ANKMY1: variants seen among roughly 807,000 people sequenced by gnomAD.
The protein encoded by ANKMY1 is ankyrin repeat and MYND domain-containing protein 1.
In ANKMY1, 98 loss-of-function variants were observed where a neutral mutation model predicts 102.0. The ratio of observed to expected loss-of-function variants is 0.96; its 90% CI spans 0.82 to 1.14. The LOEUF (loss-of-function observed/expected upper bound fraction) is 1.14. ANKMY1 is among the 50% of genes most tolerant of loss of function. ANKMY1 has a pLI of 0.00. For synonymous variants in ANKMY1, 582 were observed against 559.9 expected (o/e 1.04, Z -0.56); for missense variants, 1,330 against 1,347.6 (o/e 0.99, Z 0.20).
chr2:240,479,952 C>T (rs952917428), intron 17 of ANKMY1, among the ~76,000 whole-genome samples: 1 of 152,200 alleles, frequency 6.6e-6, no homozygotes, highest in Admixed American at 6.5e-5. Flanking sequence ...TGGCTCATGC[C>T]TGTAATCCCA....
rs771154928 is a variant in ANKMY1, at chr2:240,520,071, G to A, written c.2004+291C>T. ...TGAATATAAGTCTCCCCTTTCCAAG[G>A]GGCCTTCAGGATGCGCTTCCCCTTA... is the stretch of plus-strand genomic sequence containing the variant. On this transcript the variant is annotated intron_variant, in intron 9 of 17. Coordinates refer to ENST00000401804, the MANE Select transcript of ANKMY1 (RefSeq NM_001282771.3). The surrounding 1 kb of genome is among the most constrained non-coding windows in gnomAD (Gnocchi z 4.8). The A allele has an allele frequency of 8.2e-6, 5 of 610,086 alleles. No individual in the cohort carries two copies. The highest frequency in any genetic ancestry group is 3.6e-5 in the East Asian group (1 of 27,512). The allele number at this position is 610,086 out of a possible 1,614,324, so 37.8% of individuals were successfully genotyped here.
At chr2:240,491,467 T>G (rs774996673) in intron 15 of ANKMY1, among the ~76,000 whole-genome samples, 3 of 152,230 alleles carry the variant, frequency 2.0e-5, no homozygotes, top group Admixed American at 6.5e-5. Context: ...TGGTAGCATT[T>G]GAGTTCTTTC....
chr2:240,543,819 C>A (rs185285991), intron 4 of ANKMY1, among the ~76,000 whole-genome samples: 165 of 152,212 alleles, frequency 1.1e-3, no homozygotes, highest in African/African-American at 3.8e-3. Context: ...ATACCTAAGT[C>A]ATTTCCAATG....
chr2:240,500,246 G>A, intron 14 of ANKMY1, 123 bp from the exon 15 acceptor site: 1 of 1,294,414 alleles, frequency 7.7e-7, no homozygotes. Context: ...AACCCAGACA[G>A]ACACACAAAG....
intron 4 of ANKMY1, among the ~76,000 whole-genome samples, chr2:240,530,164 C>T (rs779060119): frequency 3.3e-5 from 5 of 152,216 alleles, no homozygotes; most frequent in Non-Finnish European, 5.9e-5. Flanking sequence ...CCAGGAGGGC[C>T]TCACAAAACA....
At chr2:240,546,951 A>G (rs1274621264) in intron 4 of ANKMY1, among the ~76,000 whole-genome samples, 2 of 152,212 alleles carry the variant, frequency 1.3e-5, no homozygotes, top group Admixed American at 6.5e-5. Flanking sequence ...AGACAGATCA[A>G]TGAGACAGAA....
intron 15 of ANKMY1, among the ~76,000 whole-genome samples, chr2:240,483,006 TAAC>T (rs2075605324): frequency 5.9e-5 from 9 of 152,252 alleles, no homozygotes; most frequent in Non-Finnish European, 1.0e-4. Flanking sequence ...TACATCTTCC[TAAC>T]TGATGATCCT....
chr2:240,479,747 G>C, intron 17 of ANKMY1, 92 bp from the exon 18 acceptor site: 1 of 1,137,580 alleles, frequency 8.8e-7, no homozygotes, highest in Non-Finnish European at 1.3e-6. Flanking sequence ...TGTGTGGGGC[G>C]GCTGAGGACT....
At chr2:240,527,109 T>TGG in intron 5 of ANKMY1, 1 of 426,278 alleles carries the variant, frequency 2.3e-6, no homozygotes, top group East Asian at 1.8e-4. Context: ...AATGGATGGG[T>TGG]GGGTGGGAAG....
At chr2:240,528,303 C>CCA (rs67998024) in intron 5 of ANKMY1, among the ~76,000 whole-genome samples, 31 of 142,066 alleles carry the variant, frequency 2.2e-4, no homozygotes, top group Non-Finnish European at 3.4e-4. Flanking sequence ...ACCCCCCCCC[C>CCA]AAAAAAATTA....
rs985144591 is a variant in ANKMY1 at position 240,499,737 on chromosome 2, C to T, written c.2806+221G>A. Among the ~76,000 whole-genome samples, 4 of 152,094 alleles carry T rather than the reference C, an allele frequency of 2.6e-5. No individual in the cohort carries two copies. The South Asian group carries it at 6.2e-4, about 24-fold the overall frequency. On this transcript the variant is annotated intron_variant, in intron 15 of 17. Transcript: ENST00000401804. The surrounding 1 kb of genome is among the most constrained non-coding windows in gnomAD (Gnocchi z 4.2). ...GGGCCCTGGCCCTAGGCCACCAACT[C>T]CTCTTCCCAGGGACATCTCCCCAGT...
chr2:240,559,908 T>A (rs1383657233), upstream of ANKMY1: 1 of 152,366 alleles, frequency 6.6e-6, no homozygotes, highest in Non-Finnish European at 1.5e-5. Context: ...TGCTTTTCAG[T>A]GTATCCATTG....
intron 4 of ANKMY1, among the ~76,000 whole-genome samples, chr2:240,540,170 T>C (rs893939747): frequency 6.6e-6 from 1 of 152,240 alleles, no homozygotes; most frequent in African/African-American, 2.4e-5. Flanking sequence ...ACCTATAACC[T>C]GTAAGCCTCC....
In ANKMY1 at chr2:240,552,953, T is replaced by A. The variant is rs1289877849; in HGVS notation, c.441A>T (p.Glu147Asp). Residue 147 changes from glutamate to aspartate, a missense_variant, in exon 4 of 18, where the codon GAA becomes GAT. Physicochemically the swap from Glu to Asp is conservative, Grantham distance 45 (BLOSUM62 2). Coordinates refer to ENST00000401804, the MANE Select transcript of ANKMY1 (RefSeq NM_001282771.3). The part of the protein sequence containing the change: ...FTGTFYLSHR[E>D]GYGTMYMKTR... Reference sequence around the variant, plus strand: ...TCTTCATGTACATGGTGCCGTAGCCTTCTCGGTGGCTGAGGTAAAATGTGC... The same window carrying A: ...TCTTCATGTACATGGTGCCGTAGCCATCTCGGTGGCTGAGGTAAAATGTGC... 6.2e-7 allele frequency: 1 copy of A among 1,613,678 alleles called. No individual in the cohort carries two copies. Among genetic ancestry groups the A allele is most frequent in the Non-Finnish European group, 8.5e-7 (1 of 1,179,982 alleles).
chr2:240,509,166 T>G, intron 12 of ANKMY1, among the ~76,000 whole-genome samples, 182 bp downstream of exon 12: 1 of 147,806 alleles, frequency 6.8e-6, no homozygotes, highest in Non-Finnish European at 1.5e-5. Flanking sequence ...AGTGGAAGAG[T>G]GAGTGAATGG....
intron 15 of ANKMY1, among the ~76,000 whole-genome samples, chr2:240,485,588 T>G (rs1409353395): frequency 6.6e-6 from 1 of 152,090 alleles, no homozygotes; most frequent in Non-Finnish European, 1.5e-5. Flanking sequence ...AATCTTCTTT[T>G]TTTTTTTTCT....
chr2:240,473,348 T>C, the ANKMY1 span, among the ~76,000 whole-genome samples: 2 of 147,790 alleles, frequency 1.4e-5, no homozygotes, highest in South Asian at 4.3e-4. Flanking sequence ...AAGAACCAAA[T>C]AGAAGTCCTA....
intron 10 of ANKMY1, among the ~76,000 whole-genome samples, chr2:240,512,437 C>G (rs2080396446): frequency 6.6e-6 from 1 of 152,170 alleles, no homozygotes; most frequent in African/African-American, 2.4e-5. Context: ...AGGATGGCTT[C>G]GGCCTGGAGG....
intron 12 of ANKMY1, among the ~76,000 whole-genome samples, chr2:240,508,818 T>C (rs895817930): frequency 6.6e-6 from 1 of 152,010 alleles, no homozygotes; most frequent in Non-Finnish European, 1.5e-5. Context: ...ACTGGGTGAA[T>C]GAAGGATGAT....
Sources: allele counts gnomAD v4.1 joint callset (sites outside exome capture counted in the v4.1 genomes callset), GRCh38; gene constraint gnomAD v4.1.1; non-coding constraint Gnocchi (gnomAD v3.1); transcripts MANE v1.5; gene names NCBI Gene and HGNC (gene_info 2026-07-23, HGNC 2026-07-21).